Variants in PPP4R4 observed in about 807,000 individuals in gnomAD.
The protein encoded by PPP4R4 is protein phosphatase 4 regulatory subunit 4, also known as serine/threonine-protein phosphatase 4 regulatory subunit 4.
PPP4R4 carries 70 observed loss-of-function variants against 121.8 expected under a neutral mutation model. The ratio of observed to expected loss-of-function variants is 0.57; its 90% CI spans 0.47 to 0.70. PPP4R4 has a LOEUF of 0.70. PPP4R4 is among the 30% of genes least tolerant of loss of function. PPP4R4 has a pLI of 0.00. For synonymous variants in PPP4R4, 348 were observed against 355.7 expected (o/e 0.98, Z 0.24); for missense variants, 875 against 1,033.6 (o/e 0.85, Z 2.10).
intron 8 of PPP4R4, among the ~76,000 whole-genome samples, chr14:94,240,280 A>C (rs749853417): frequency 6.6e-6 from 1 of 152,220 alleles, no homozygotes; most frequent in African/African-American, 2.4e-5. Context: ...GTAGCATGGT[A>C]TGAGATGTGT....
intron 21 of PPP4R4, 66 bp from the exon 22 acceptor site, chr14:94,265,728 G>C: frequency 8.6e-7 from 1 of 1,167,460 alleles, no homozygotes; most frequent in African/African-American, 1.5e-5. Context: ...GTTGGGGAGG[G>C]AATGGGGGTT....
At chr14:94,251,343 G>T (rs773767654) in intron 15 of PPP4R4, among the ~76,000 whole-genome samples, 2 of 152,006 alleles carry the variant, frequency 1.3e-5, no homozygotes, top group Non-Finnish European at 2.9e-5. Flanking sequence ...GCACCTGCCA[G>T]CTGTGTGACT....
At chr14:94,202,414 G>A (rs1234326757) in intron 2 of PPP4R4, among the ~76,000 whole-genome samples, 3 of 152,176 alleles carry the variant, frequency 2.0e-5, no homozygotes, top group Non-Finnish European at 2.9e-5. Flanking sequence ...GATAAATATT[G>A]TGTTTATGGA....
intron 3 of PPP4R4, among the ~76,000 whole-genome samples, chr14:94,212,855 A>G (rs1318541364): frequency 1.3e-5 from 2 of 152,198 alleles, no homozygotes; most frequent in African/African-American, 4.8e-5. Flanking sequence ...CCACATAACG[A>G]AGGTGATTCC....
chr14:94,259,653 A>G (rs542767457), intron 19 of PPP4R4, among the ~76,000 whole-genome samples: 2 of 152,348 alleles, frequency 1.3e-5, no homozygotes, highest in South Asian at 4.1e-4. Flanking sequence ...CATCACCACA[A>G]TGAAAATATG....
intron 3 of PPP4R4, among the ~76,000 whole-genome samples, chr14:94,221,803 A>T (rs765965363): frequency 3.9e-5 from 6 of 152,078 alleles, no homozygotes; most frequent in African/African-American, 9.6e-5. Context: ...GGTTCTCAAA[A>T]ATTTAAATAT....
intron 3 of PPP4R4, among the ~76,000 whole-genome samples, chr14:94,224,540 T>C (rs1891591804): frequency 6.6e-6 from 1 of 152,136 alleles, no homozygotes; most frequent in Non-Finnish European, 1.5e-5. Flanking sequence ...CGATAACTCC[T>C]GAAATCCTGG....
intron 3 of PPP4R4, among the ~76,000 whole-genome samples, chr14:94,212,909 TA>T (rs1412304521): frequency 6.6e-6 from 1 of 152,232 alleles, no homozygotes; most frequent in Non-Finnish European, 1.5e-5. Context: ...ATCGAGGTAT[TA>T]AATTTATTTA....
rs1218263490 is a variant in PPP4R4 at position 94,246,523 on chromosome 14, C to G, written c.1595C>G (p.Thr532Arg). 7.4e-6 allele frequency: 12 copies of G among 1,612,634 alleles called. No individual in the cohort carries two copies. Among genetic ancestry groups the G allele is most frequent in the Non-Finnish European group, 1.0e-5 (12 of 1,179,200 alleles). The change falls in exon 14 of 25, where the codon ACA becomes AGA. Residue 532 changes from threonine to arginine, a missense_variant. Physicochemically the swap from Thr to Arg is moderately conservative, Grantham distance 71. Coordinates refer to ENST00000304338, the MANE Select transcript of PPP4R4 (RefSeq NM_058237.2). ...IYYRFLQRMF[T>R]IMMTNNVLPV... ...TACCGTTTCTTACAAAGAATGTTCA[C>G]AATCATGATGACAAATGTGAGCTCA...
intron 15 of PPP4R4, 90 bp downstream of exon 15, chr14:94,250,367 G>C (rs1375344541): frequency 1.0e-5 from 8 of 802,330 alleles, no homozygotes; most frequent in African/African-American, 1.7e-5. Flanking sequence ...ATTTTGCTGT[G>C]AATAATTAGG....
rs878933525 is a variant in PPP4R4, at chr14:94,174,444, C to A, written c.-22C>A. 5 of 1,553,872 alleles carry A rather than the reference C, an allele frequency of 3.2e-6. No homozygotes were observed. In the South Asian group the frequency reaches 3.5e-5, roughly 11 times the overall value. The stretch of plus-strand genomic sequence containing the variant: ...CATCCCGGGGCCGCTCCGGCCCGGG[C>A]GGCGAGAGTGCCCGGCGGTCCATGC... On this transcript the variant is annotated 5_prime_UTR_variant, in exon 1 of 25. Coordinates refer to ENST00000304338, the MANE Select transcript of PPP4R4 (RefSeq NM_058237.2).
chr14:94,256,326 A>G (rs527260218), intron 16 of PPP4R4, 134 bp from the exon 17 acceptor site: 6 of 687,488 alleles, frequency 8.7e-6, no homozygotes, highest in Admixed American at 3.4e-5. Context: ...TGTTTGACAC[A>G]TAATAGACAC....
At chr14:94,216,323 C>A (rs2139474849) in intron 3 of PPP4R4, among the ~76,000 whole-genome samples, 1 of 152,290 alleles carries the variant, frequency 6.6e-6, no homozygotes, top group South Asian at 2.1e-4. Flanking sequence ...AGTAACAAAC[C>A]CCTCTTAGGA....
intron 11 of PPP4R4, among the ~76,000 whole-genome samples, chr14:94,244,055 C>G (rs1566685116): frequency 6.6e-6 from 1 of 151,766 alleles, no homozygotes; most frequent in Non-Finnish European, 1.5e-5. Flanking sequence ...GGTAAATTCA[C>G]CATTGTGGGC....
intron 1 of PPP4R4, 26 bp downstream of exon 1, chr14:94,174,608 C>G: frequency 6.2e-7 from 1 of 1,606,138 alleles, no homozygotes; most frequent in Non-Finnish European, 8.5e-7. Context: ...AGGACCTGCC[C>G]TCACGGCGTC....
chr14:94,238,664 TTAAC>T (rs1191658217), intron 8 of PPP4R4, among the ~76,000 whole-genome samples: 5 of 152,204 alleles, frequency 3.3e-5, no homozygotes, highest in African/African-American at 7.2e-5. Context: ...TCAGTAAACA[TTAAC>T]TATTTTGATA....
chr14:94,253,468 G>A (rs1047173486), intron 16 of PPP4R4, among the ~76,000 whole-genome samples: 7 of 152,092 alleles, frequency 4.6e-5, no homozygotes, highest in African/African-American at 1.7e-4. Context: ...TCAAAAAAAG[G>A]AACCTTTGGT....
chr14:94,181,216 G>A (rs1888969333), intron 2 of PPP4R4, among the ~76,000 whole-genome samples: 1 of 151,932 alleles, frequency 6.6e-6, no homozygotes, highest in South Asian at 2.1e-4. Context: ...GTGAGGCATG[G>A]TTTGTGTGTG....
At chr14:94,251,077 A>G (rs1391797740) in intron 15 of PPP4R4, among the ~76,000 whole-genome samples, 1 of 151,872 alleles carries the variant, frequency 6.6e-6, no homozygotes, top group Non-Finnish European at 1.5e-5. Flanking sequence ...TTCGGTTTTC[A>G]TTTTTCAGTG....
Sources: gnomAD v4.1 joint callset for allele counts (sites outside exome capture counted in the v4.1 genomes callset) on GRCh38, gnomAD v4.1.1 for gene constraint, MANE v1.5 for transcripts, NCBI Gene and HGNC (gene_info 2026-07-23, HGNC 2026-07-21) for gene names.